The following EYS variants were observed in gnomAD, a reference collection of about 807,000 sequenced individuals.
EYS encodes the protein protein eyes shut homolog.
A neutral mutation model predicts 282.1 loss-of-function variants in EYS; 250 were observed. The observed-to-expected ratio is 0.89, with a 90% CI of 0.80 to 0.98. The LOEUF is 0.98. Among genes scored for constraint, EYS ranks in the 50% least tolerant of loss-of-function variants. EYS has a pLI of 0.00. For missense variants in EYS, 4,016 were observed against 3,709.0 expected, an observed-to-expected ratio of 1.08 and a Z score of -2.15; for synonymous variants, 1,355 against 1,282.9, an observed-to-expected ratio of 1.06 and a Z score of -1.20.
chr6:64,526,480 A>AT (rs1157061870), intron 26 of EYS, among the ~76,000 whole-genome samples: 1 of 151,778 alleles, frequency 6.6e-6, no homozygotes, highest in South Asian at 2.1e-4. Context: ...AAAATTATAT[A>AT]TTTTTTCCAG....
chr6:64,045,700 G>A (rs1468588813), intron 33 of EYS, among the ~76,000 whole-genome samples: 1 of 150,784 alleles, frequency 6.6e-6, no homozygotes, highest in East Asian at 1.9e-4. Flanking sequence ...GCCCGCCTCG[G>A]CCTCCCAAAG....
chr6:65,028,575 C>T (rs1435646014), intron 13 of EYS, among the ~76,000 whole-genome samples: 4 of 151,766 alleles, frequency 2.6e-5, no homozygotes, highest in Admixed American at 2.0e-4. Context: ...TTGAAAAGTG[C>T]CCTTCAATTT....
chr6:65,025,778 T>C (rs767378724), intron 13 of EYS, among the ~76,000 whole-genome samples: 3 of 152,118 alleles, frequency 2.0e-5, no homozygotes, highest in Non-Finnish European at 4.4e-5. Flanking sequence ...GAATTTTAGG[T>C]AACAGAACAG....
At chr6:64,829,951 G>T (rs776871474) in intron 19 of EYS, among the ~76,000 whole-genome samples, 7 of 151,922 alleles carry the variant, frequency 4.6e-5, no homozygotes, top group Non-Finnish European at 7.4e-5. Flanking sequence ...GAAATGTATG[G>T]TTGTTGTAGG....
At chr6:65,299,018 A>T (rs986951160) in intron 11 of EYS, among the ~76,000 whole-genome samples, 21 of 152,136 alleles carry the variant, frequency 1.4e-4, no homozygotes, top group African/African-American at 4.6e-4. Flanking sequence ...CATAGGATAA[A>T]TCCCTTGCAA....
intron 2 of EYS, among the ~76,000 whole-genome samples, chr6:65,567,210 G>T (rs944885763): frequency 3.3e-5 from 5 of 151,276 alleles, no homozygotes; most frequent in African/African-American, 1.2e-4. Flanking sequence ...ACCTGGGAAT[G>T]CCCACTCTTC....
At chr6:64,944,143 T>C (rs2150094855) in intron 15 of EYS, among the ~76,000 whole-genome samples, 1 of 152,166 alleles carries the variant, frequency 6.6e-6, no homozygotes, top group South Asian at 2.1e-4. Flanking sequence ...CAATAAATGG[T>C]GCTGGGAAAA....
intron 8 of EYS, among the ~76,000 whole-genome samples, chr6:65,358,668 G>A (rs1470553983): frequency 4.0e-5 from 6 of 148,996 alleles, no homozygotes; most frequent in Admixed American, 3.4e-4. Flanking sequence ...AGTTACCATA[G>A]AAAAACCCAA....
chr6:63,920,422 G>T (rs1581977433), intron 35 of EYS, among the ~76,000 whole-genome samples: 2 of 152,172 alleles, frequency 1.3e-5, no homozygotes, highest in South Asian at 4.1e-4. Context: ...TTTCTGGAAG[G>T]TTCTGTCTCC....
chr6:65,334,067 C>T (rs918998601), intron 11 of EYS, among the ~76,000 whole-genome samples: 4 of 151,468 alleles, frequency 2.6e-5, no homozygotes, highest in Non-Finnish European at 5.9e-5. Context: ...CCAGTCTAAA[C>T]GTCTCTAAAT....
intron 22 of EYS, among the ~76,000 whole-genome samples, chr6:64,768,541 G>C (rs1056350963): frequency 1.3e-5 from 2 of 151,986 alleles, no homozygotes; most frequent in African/African-American, 4.8e-5. Flanking sequence ...TTTATATAGG[G>C]GTCACCCTAT....
intron 22 of EYS, among the ~76,000 whole-genome samples, chr6:64,656,456 G>A (rs1476418676): frequency 4.6e-5 from 7 of 152,116 alleles, no homozygotes; most frequent in Non-Finnish European, 8.8e-5. Context: ...CCTTAGTTGG[G>A]AGTCTCCAGA....
chr6:64,318,783 T>C (rs1922969), intron 29 of EYS, among the ~76,000 whole-genome samples: 88,119 of 151,278 alleles, frequency 0.58, 26,740 homozygotes, highest in Non-Finnish European at 0.67. Context: ...ATTTTATAGA[T>C]ATATAGTAGG....
At chr6:64,354,416 G>A (rs1771752832) in intron 29 of EYS, among the ~76,000 whole-genome samples, 1 of 151,434 alleles carries the variant, frequency 6.6e-6, no homozygotes, top group Non-Finnish European at 1.5e-5. Context: ...AATCCTATAT[G>A]CTAGTGATTC....
chr6:64,532,539 C>T (rs1764383308), intron 26 of EYS, among the ~76,000 whole-genome samples: 1 of 151,970 alleles, frequency 6.6e-6, no homozygotes, highest in Non-Finnish European at 1.5e-5. Context: ...GAAACCCCGT[C>T]TCTACTAAAA....
chr6:64,584,431 T>A (rs1766169397), intron 26 of EYS, among the ~76,000 whole-genome samples: 2 of 151,624 alleles, frequency 1.3e-5, no homozygotes. Context: ...ATATCAGTAA[T>A]AATTTTCTAA....
chr6:63,881,734 T>C (rs532531733), intron 35 of EYS, among the ~76,000 whole-genome samples: 1 of 152,286 alleles, frequency 6.6e-6, no homozygotes, highest in South Asian at 2.1e-4. Context: ...CCATTACTTA[T>C]AGAATAGGGT....
chr6:65,115,956 CTGT>C, intron 12 of EYS, among the ~76,000 whole-genome samples: 1 of 124,782 alleles, frequency 8.0e-6, no homozygotes, highest in African/African-American at 3.7e-5. Flanking sequence ...GTCTGTCTGT[CTGT>C]CTATCTAATC....
chr6:65,029,699 C>T (rs1288925159), intron 13 of EYS, among the ~76,000 whole-genome samples: 2 of 151,938 alleles, frequency 1.3e-5, no homozygotes, highest in African/African-American at 4.8e-5. Context: ...CCAAGATGGC[C>T]TACTAAATGC....
Sources: allele counts gnomAD v4.1 joint callset (sites outside exome capture counted in the v4.1 genomes callset), GRCh38; gene constraint gnomAD v4.1.1; transcripts MANE v1.5; gene names NCBI Gene and HGNC (gene_info 2026-07-23, HGNC 2026-07-21).